Variants in MYO16 observed in about 807,000 individuals in gnomAD.
MYO16 encodes the protein unconventional myosin-XVI.
MYO16 carries 94 observed loss-of-function variants against 205.3 expected under a neutral mutation model. The observed-to-expected ratio is 0.46, with a 90% confidence interval of 0.39 to 0.54. The LOEUF (loss-of-function observed/expected upper bound fraction) is 0.54, where lower values mean the gene tolerates loss of function less well. MYO16 is among the 20% of genes least tolerant of loss of function. The pLI is 0.00. For synonymous variants in MYO16, 988 were observed against 954.0 expected, an observed-to-expected ratio of 1.04 and a Z score of -0.66; for missense variants, 2,315 against 2,387.5, an observed-to-expected ratio of 0.97 and a Z score of 0.63.
chr13:108,669,224 G>C (rs1469293564), intron 2 of MYO16, among the ~76,000 whole-genome samples: 1 of 151,870 alleles, frequency 6.6e-6, no homozygotes, highest in Non-Finnish European at 1.5e-5. Context: ...AATGAGGGAG[G>C]GTGCTTTCTT....
the MYO16 span, among the ~76,000 whole-genome samples, chr13:108,523,884 G>T: frequency 3.9e-5 from 6 of 152,364 alleles, no homozygotes. Context: ...TATTAGAGGT[G>T]AGGCCTGTTG....
At chr13:108,733,387 T>A (rs181969351) in intron 4 of MYO16, among the ~76,000 whole-genome samples, 298 of 152,344 alleles carry the variant, frequency 2.0e-3, no homozygotes, top group African/African-American at 6.8e-3. Context: ...CTGCTTTATG[T>A]AGCTGAGGCT....
chr13:109,183,418 C>T (rs1014975939), intron 34 of MYO16, among the ~76,000 whole-genome samples: 1 of 152,090 alleles, frequency 6.6e-6, no homozygotes, highest in Non-Finnish European at 1.5e-5. Context: ...CAGAAGGGGA[C>T]GCAGAAACAA....
At chr13:108,517,542 T>C in the MYO16 span, among the ~76,000 whole-genome samples, 1 of 152,242 alleles carries the variant, frequency 6.6e-6, no homozygotes, top group African/African-American at 2.4e-5. Context: ...AGTTAACTAA[T>C]ATTCACCATA....
At chr13:108,604,592 T>G (rs1475505880) in intron 1 of MYO16, among the ~76,000 whole-genome samples, 3 of 152,184 alleles carry the variant, frequency 2.0e-5, no homozygotes, top group African/African-American at 7.2e-5. Context: ...AACATTGAAG[T>G]TGATTTAAAG....
intron 16 of MYO16, among the ~76,000 whole-genome samples, chr13:108,942,292 T>G (rs1882762829): frequency 6.6e-6 from 1 of 152,252 alleles, no homozygotes; most frequent in Non-Finnish European, 1.5e-5. Context: ...AGCATCTGTG[T>G]TACTTCTAAA....
At chr13:108,868,127 AT>A (rs148300755) in intron 12 of MYO16, among the ~76,000 whole-genome samples, 23,453 of 151,784 alleles carry the variant, frequency 0.15, 2,375 homozygotes, top group Middle Eastern at 0.27. Context: ...CATCCTCACA[AT>A]TTTTTTTTGA....
At chr13:109,019,415 T>G (rs980129937) in intron 22 of MYO16, among the ~76,000 whole-genome samples, 24 of 152,208 alleles carry the variant, frequency 1.6e-4, no homozygotes, top group African/African-American at 5.8e-4. Flanking sequence ...TGAATTTCAT[T>G]TTTCTTATTA....
intron 23 of MYO16, among the ~76,000 whole-genome samples, chr13:109,042,208 A>G (rs868297298): frequency 2.0e-5 from 3 of 152,234 alleles, no homozygotes; most frequent in Non-Finnish European, 4.4e-5. Flanking sequence ...TCACTGATCA[A>G]GGAAAGTATC....
intron 28 of MYO16, among the ~76,000 whole-genome samples, chr13:109,115,242 C>CAAAAAA (rs61441934): frequency 2.8e-4 from 16 of 58,032 alleles, no homozygotes; most frequent in African/African-American, 1.0e-3. Context: ...CTACACCTCT[C>CAAAAAA]AAAAAAAAAA....
At chr13:109,000,035 T>A (rs1447147053) in intron 21 of MYO16, among the ~76,000 whole-genome samples, 1 of 152,196 alleles carries the variant, frequency 6.6e-6, no homozygotes, top group Non-Finnish European at 1.5e-5. Context: ...TCTTTTTCAT[T>A]GTAGAGTACC....
At position 108,897,692 on chromosome 13, in the gene MYO16, C is replaced by G. The variant is rs116190548; in HGVS notation, c.1660-324C>G. ...GCAAACGCTATTTTACTGTTCTATT[C>G]AGGTTTGAAATCTTGATAACATTTG... On this transcript the variant is annotated intron_variant, in intron 14 of 34. Transcript: ENST00000457511. Among the ~76,000 whole-genome samples, 434 of 152,236 alleles carry G rather than the reference C, an allele frequency of 2.9e-3. 4 individuals carry two copies. The highest frequency in any genetic ancestry group is 9.9e-3 in the African/African-American group (413 of 41,534).
chr13:108,827,913 A>C (rs1876369204), intron 9 of MYO16, among the ~76,000 whole-genome samples: 1 of 152,140 alleles, frequency 6.6e-6, no homozygotes, highest in South Asian at 2.1e-4. Context: ...CTAATATTCT[A>C]GTTCATGGAG....
chr13:109,013,180 T>C (rs971853693), intron 22 of MYO16, among the ~76,000 whole-genome samples: 1 of 141,092 alleles, frequency 7.1e-6, no homozygotes, highest in Non-Finnish European at 1.5e-5. Context: ...AGTATTCTCA[T>C]TGTTGAGTTC....
chr13:108,774,588 G>A (rs1245089995), intron 4 of MYO16, among the ~76,000 whole-genome samples: 2 of 152,074 alleles, frequency 1.3e-5, no homozygotes, highest in East Asian at 3.9e-4. Flanking sequence ...TTAGAGACGT[G>A]CCTTACAGTC....
intron 20 of MYO16, among the ~76,000 whole-genome samples, chr13:108,974,266 A>G (rs1437644182): frequency 6.6e-6 from 1 of 152,116 alleles, no homozygotes; most frequent in African/African-American, 2.4e-5. Context: ...ATTTTCTATG[A>G]TTTCATATGT....
At chr13:108,762,631 A>T (rs1316958719) in intron 4 of MYO16, among the ~76,000 whole-genome samples, 8 of 152,178 alleles carry the variant, frequency 5.3e-5, no homozygotes, top group Admixed American at 2.6e-4. Flanking sequence ...GGCATCTTCG[A>T]CTTACAGTTC....
At chr13:108,796,847 A>G (rs1832510806) in intron 6 of MYO16, among the ~76,000 whole-genome samples, 1 of 151,338 alleles carries the variant, frequency 6.6e-6, no homozygotes, top group African/African-American at 2.4e-5. Context: ...CAGCACACCA[A>G]CATGGCACAT....
At chr13:108,971,078 C>A (rs1241997643) in intron 20 of MYO16, among the ~76,000 whole-genome samples, 1 of 152,038 alleles carries the variant, frequency 6.6e-6, no homozygotes, top group Non-Finnish European at 1.5e-5. Context: ...AAAAAAAGAT[C>A]AATAATTTTT....
Sources: gnomAD v4.1 joint callset for allele counts (sites outside exome capture counted in the v4.1 genomes callset) on GRCh38, gnomAD v4.1.1 for gene constraint, MANE v1.5 for transcripts, NCBI Gene and HGNC (gene_info 2026-07-23, HGNC 2026-07-21) for gene names.